TSNARE1: variants seen among roughly 807,000 people sequenced by gnomAD.
TSNARE1 encodes t-SNARE domain-containing protein 1.
In TSNARE1, 49 loss-of-function variants were observed where a neutral mutation model predicts 62.0. That is an observed-to-expected ratio of 0.79 (90% CI 0.63 to 1.00). TSNARE1 has a LOEUF of 1.00. Ranked by LOEUF, TSNARE1 falls within the 50% of genes least tolerant of loss-of-function variation. The probability of loss-of-function intolerance (pLI) is 0.00; values close to 1 mark genes in which losing one functional copy is unlikely to be tolerated. For synonymous variants in TSNARE1, 328 were observed against 294.4 expected (o/e 1.11, Z -1.17); for missense variants, 755 against 700.1 (o/e 1.08, Z -0.88).
At chr8:142,320,352 C>T (rs1829295669) in intron 6 of TSNARE1, among the ~76,000 whole-genome samples, 1 of 150,024 alleles carries the variant, frequency 6.7e-6, no homozygotes, top group African/African-American at 2.5e-5. Context: ...CACCCTCCTG[C>T]ACCTCTGACT....
rs1373742905 is a variant in TSNARE1, at chr8:142,311,139, T to C, written c.1131+3245A>G. 2.0e-5 allele frequency among the ~76,000 whole-genome samples: 3 copies of C among 149,414 alleles called. No homozygotes were observed. In the East Asian group the frequency reaches 6.1e-4, roughly 30 times the overall value. The stretch of plus-strand genomic sequence containing the variant: ...TGCTGGGATTACAGGCGTGAGCCAC[T>C]GCACCCAGCCAAGGGTGGTTGTTTT... On this transcript the variant is annotated intron_variant, in intron 9 of 13. Transcript: ENST00000524325.
chr8:142,258,245 C>T (rs1468367946), intron 12 of TSNARE1, among the ~76,000 whole-genome samples: 1 of 152,120 alleles, frequency 6.6e-6, no homozygotes, highest in African/African-American at 2.4e-5. Context: ...CACACTGGTA[C>T]ATGAAGGCAC....
At chr8:142,309,805 C>T (rs1251600972) in intron 9 of TSNARE1, among the ~76,000 whole-genome samples, 1 of 152,156 alleles carries the variant, frequency 6.6e-6, no homozygotes, top group Non-Finnish European at 1.5e-5. Context: ...TCTGTAACAG[C>T]ATGTGTAAAC....
At chr8:142,237,089 A>C (rs1223702279) in intron 12 of TSNARE1, among the ~76,000 whole-genome samples, 1 of 152,036 alleles carries the variant, frequency 6.6e-6, no homozygotes, top group Non-Finnish European at 1.5e-5. Flanking sequence ...GTGGGCGGGT[A>C]GCCTGGGCTC....
At chr8:142,288,085 G>T (rs947910162) in intron 10 of TSNARE1, among the ~76,000 whole-genome samples, 1 of 152,246 alleles carries the variant, frequency 6.6e-6, no homozygotes, top group Non-Finnish European at 1.5e-5. Context: ...CTGTGTCCCT[G>T]GGGGGAAGCA....
intron 9 of TSNARE1, among the ~76,000 whole-genome samples, chr8:142,309,339 T>C (rs1409334917): frequency 6.6e-6 from 1 of 152,212 alleles, no homozygotes; most frequent in Non-Finnish European, 1.5e-5. Flanking sequence ...TTATCTTCTA[T>C]CTTAGGAGAA....
At chr8:142,300,136 A>C (rs1173750068) in intron 10 of TSNARE1, 1 of 198,062 alleles carries the variant, frequency 5.0e-6, no homozygotes, top group African/African-American at 2.3e-5. Context: ...AATCATCTTC[A>C]TTAGAGCTAA....
intron 12 of TSNARE1, among the ~76,000 whole-genome samples, chr8:142,248,747 C>G (rs1420798617): frequency 6.6e-6 from 1 of 152,052 alleles, no homozygotes; most frequent in African/African-American, 2.4e-5. Context: ...CAGACAGTGT[C>G]TGCCCTGAGC....
At chr8:142,332,701 A>G (rs1260722331) in intron 4 of TSNARE1, among the ~76,000 whole-genome samples, 1 of 152,126 alleles carries the variant, frequency 6.6e-6, no homozygotes, top group Non-Finnish European at 1.5e-5. Flanking sequence ...CAGGCTGCAC[A>G]CACTCGCCCT....
intron 10 of TSNARE1, among the ~76,000 whole-genome samples, chr8:142,293,177 C>A (rs544811554): frequency 2.6e-5 from 4 of 152,200 alleles, no homozygotes; most frequent in African/African-American, 9.6e-5. Context: ...TCAGTGGCAC[C>A]GACACCCCAG....
intron 1 of TSNARE1, among the ~76,000 whole-genome samples, chr8:142,400,119 G>A (rs1258281797): frequency 3.3e-5 from 5 of 151,426 alleles, no homozygotes; most frequent in Admixed American, 2.6e-4. Context: ...TTGATCACCT[G>A]AAGGTCAGGA....
chr8:142,239,011 C>A (rs1817567523), intron 12 of TSNARE1, among the ~76,000 whole-genome samples: 2 of 152,142 alleles, frequency 1.3e-5, no homozygotes, highest in Admixed American at 6.5e-5. Flanking sequence ...ACTGCAGACT[C>A]CATGACACTT....
intron 11 of TSNARE1, chr8:142,275,805 G>C: frequency 1.0e-6 from 1 of 985,150 alleles, no homozygotes; most frequent in Non-Finnish European, 1.2e-6. Flanking sequence ...TTAAGGCCTG[G>C]GATAGAGAGG....
chr8:142,281,125 G>A (rs1046538090), intron 11 of TSNARE1, among the ~76,000 whole-genome samples: 1 of 152,184 alleles, frequency 6.6e-6, no homozygotes, highest in East Asian at 1.9e-4. Context: ...CAGGCCCCAA[G>A]GTGAGGCCAC....
chr8:142,366,037 C>A, intron 1 of TSNARE1: 1 of 381,992 alleles, frequency 2.6e-6, no homozygotes, highest in Admixed American at 3.9e-5. Flanking sequence ...AAGGATTTTT[C>A]TGATTGCTTT....
chr8:142,335,820 C>T (rs1478201713), intron 4 of TSNARE1, among the ~76,000 whole-genome samples: 1 of 152,128 alleles, frequency 6.6e-6, no homozygotes, highest in Non-Finnish European at 1.5e-5. Context: ...AACTCGGTTG[C>T]TTCCTGCACT....
At chr8:142,304,390 C>T (rs561419829) in intron 9 of TSNARE1, among the ~76,000 whole-genome samples, 3 of 152,360 alleles carry the variant, frequency 2.0e-5, no homozygotes, top group East Asian at 3.9e-4. Context: ...AGGCATGCCA[C>T]GCCCTTCTCT....
chr8:142,397,783 C>T (rs924064775), intron 1 of TSNARE1, among the ~76,000 whole-genome samples: 6 of 152,076 alleles, frequency 3.9e-5, no homozygotes, highest in African/African-American at 9.7e-5. Context: ...CACTCAGCTG[C>T]GTGGCTAGCC....
intron 12 of TSNARE1, among the ~76,000 whole-genome samples, chr8:142,244,280 G>C (rs1331232621): frequency 1.3e-5 from 2 of 152,124 alleles, no homozygotes; most frequent in Non-Finnish European, 2.9e-5. Flanking sequence ...ATGAACACTT[G>C]GCTGACTATA....
Sources: gnomAD v4.1 joint callset for allele counts (sites outside exome capture counted in the v4.1 genomes callset) on GRCh38, gnomAD v4.1.1 for gene constraint, MANE v1.5 for transcripts, NCBI Gene and HGNC (gene_info 2026-07-23, HGNC 2026-07-21) for gene names.